The following TSHZ2 variants were observed in gnomAD, a reference collection of about 807,000 sequenced individuals.
TSHZ2 encodes the protein teashirt zinc finger homeobox 2.
A neutral mutation model predicts 74.4 loss-of-function variants in TSHZ2; 21 were observed. The observed-to-expected ratio is 0.28, with a 90% confidence interval of 0.20 to 0.41. The LOEUF (loss-of-function observed/expected upper bound fraction) is 0.41, where lower values mean the gene tolerates loss of function less well. TSHZ2 is among the 10% of genes least tolerant of loss of function. The pLI is 1.00. For missense variants in TSHZ2, 1,244 were observed against 1,293.5 expected (o/e 0.96, Z 0.59); for synonymous variants, 540 against 515.3 (o/e 1.05, Z -0.65).
At chr20:53,230,694 C>A (rs1438776028) in intron 1 of TSHZ2, among the ~76,000 whole-genome samples, 2 of 152,078 alleles carry the variant, frequency 1.3e-5, no homozygotes, top group African/African-American at 4.8e-5. Context: ...AGTTTGAGAC[C>A]AGCCTGGTCA....
At chr20:53,091,593 A>G (rs1292295319) in intron 1 of TSHZ2, among the ~76,000 whole-genome samples, 2 of 152,232 alleles carry the variant, frequency 1.3e-5, no homozygotes, top group African/African-American at 4.8e-5. Flanking sequence ...AGATCCATTT[A>G]TTCCCTTACC....
At chr20:53,011,059 T>A (rs1158750767) in intron 1 of TSHZ2, among the ~76,000 whole-genome samples, 2 of 152,202 alleles carry the variant, frequency 1.3e-5, no homozygotes, top group Non-Finnish European at 2.9e-5. Context: ...ATATCATATT[T>A]GATAAGTTTT....
At chr20:53,038,473 T>C (rs1983909124) in intron 1 of TSHZ2, among the ~76,000 whole-genome samples, 1 of 152,140 alleles carries the variant, frequency 6.6e-6, no homozygotes, top group South Asian at 2.1e-4. Context: ...TCCTGCTGAA[T>C]CCTCTTCTCA....
At chr20:53,098,977 C>A (rs553261759) in intron 1 of TSHZ2, among the ~76,000 whole-genome samples, 1 of 152,308 alleles carries the variant, frequency 6.6e-6, no homozygotes, top group East Asian at 1.9e-4. Flanking sequence ...ATGGTTAAGT[C>A]TTAGCGTGAT....
At chr20:53,064,858 T>C (rs1437778486) in intron 1 of TSHZ2, among the ~76,000 whole-genome samples, 1 of 152,186 alleles carries the variant, frequency 6.6e-6, no homozygotes, top group Non-Finnish European at 1.5e-5. Flanking sequence ...AAATCCCCAG[T>C]GTGAGGAGCA....
In TSHZ2 at chr20:53,172,498, G is replaced by A. The variant is rs973668458; in HGVS notation, c.41-81001G>A. Among the ~76,000 whole-genome samples, 10 of 152,132 alleles carry A rather than the reference G, an allele frequency of 6.6e-5. 1 individual carries two copies. Among genetic ancestry groups the A allele is most frequent in the Admixed American group, 6.5e-5 (1 of 15,268 alleles). ...CAGTTTAAGCTGCTCTGTGGGTAGA[G>A]GAGGAAGAAATAAGAGAGAAAAGAA... On this transcript the variant is annotated intron_variant, in intron 1 of 2. Transcript: ENST00000371497.
chr20:52,982,690 T>G (rs918979454), intron 1 of TSHZ2, among the ~76,000 whole-genome samples: 11 of 152,202 alleles, frequency 7.2e-5, no homozygotes, highest in African/African-American at 2.7e-4. Flanking sequence ...AATAAATATA[T>G]AACACAATAT....
At chr20:53,395,833 T>C (rs1366694567) in intron 2 of TSHZ2, among the ~76,000 whole-genome samples, 7 of 152,210 alleles carry the variant, frequency 4.6e-5, no homozygotes, top group African/African-American at 7.2e-5. Flanking sequence ...ACCTATGGAA[T>C]GTTAAAAGAA....
chr20:53,314,873 C>T (rs1020571184), intron 2 of TSHZ2, among the ~76,000 whole-genome samples: 36 of 152,164 alleles, frequency 2.4e-4, no homozygotes, highest in African/African-American at 8.7e-4. Flanking sequence ...CAGCCTGCCT[C>T]AGCCTCCCAA....
intron 1 of TSHZ2, among the ~76,000 whole-genome samples, chr20:53,247,168 A>C (rs1990228160): frequency 1.3e-5 from 2 of 152,218 alleles, no homozygotes; most frequent in South Asian, 2.1e-4. Context: ...AGTAACACTT[A>C]TGTTATATGT....
At chr20:53,288,322 T>G (rs1378013227) in intron 2 of TSHZ2, among the ~76,000 whole-genome samples, 3 of 151,572 alleles carry the variant, frequency 2.0e-5, no homozygotes, top group South Asian at 2.1e-4. Context: ...GAGAATTGCT[T>G]GAACCCGGGA....
At chr20:53,322,754 C>T (rs185913664) in intron 2 of TSHZ2, among the ~76,000 whole-genome samples, 124 of 152,238 alleles carry the variant, frequency 8.1e-4, no homozygotes, top group African/African-American at 2.8e-3. Context: ...TCCTCTTGAG[C>T]CCAGAATTCA....
intron 1 of TSHZ2, among the ~76,000 whole-genome samples, chr20:53,158,189 C>T (rs972044145): frequency 6.6e-6 from 1 of 152,088 alleles, no homozygotes; most frequent in African/African-American, 2.4e-5. Flanking sequence ...CAAGGAGACC[C>T]GGATGTCTGG....
intron 2 of TSHZ2, among the ~76,000 whole-genome samples, chr20:53,486,047 G>T (rs73137973): frequency 0.089 from 13,520 of 152,050 alleles, 674 homozygotes; most frequent in East Asian, 0.17. Flanking sequence ...AATTCTTATT[G>T]CTTTTCCCAC....
intron 2 of TSHZ2, among the ~76,000 whole-genome samples, chr20:53,321,823 C>T (rs965741068): frequency 6.6e-6 from 1 of 152,058 alleles, no homozygotes; most frequent in African/African-American, 2.4e-5. Context: ...GAATTGTTGT[C>T]ATGGACAGTG....
At chr20:53,193,616 C>G (rs1404163189) in intron 1 of TSHZ2, among the ~76,000 whole-genome samples, 2 of 152,214 alleles carry the variant, frequency 1.3e-5, no homozygotes, top group Non-Finnish European at 2.9e-5. Flanking sequence ...TGTTAAATAA[C>G]TTTTTTCAAT....
intron 2 of TSHZ2, among the ~76,000 whole-genome samples, chr20:53,441,139 A>G (rs1187326757): frequency 6.6e-6 from 1 of 152,204 alleles, no homozygotes; most frequent in African/African-American, 2.4e-5. Context: ...GAAGATCTGG[A>G]AAGTTGTTCT....
intron 2 of TSHZ2, among the ~76,000 whole-genome samples, chr20:53,405,875 T>A (rs995559659): frequency 6.6e-6 from 1 of 152,082 alleles, no homozygotes; most frequent in Non-Finnish European, 1.5e-5. Flanking sequence ...TGTGTGCCTG[T>A]GGTCCCAGCT....
intron 1 of TSHZ2, among the ~76,000 whole-genome samples, chr20:52,973,966 A>T (rs1460795735): frequency 6.6e-6 from 1 of 152,144 alleles, no homozygotes; most frequent in Non-Finnish European, 1.5e-5. Context: ...TGTAGGGGGG[A>T]AATTCCCCAT....
Sources: allele counts gnomAD v4.1 joint callset (sites outside exome capture counted in the v4.1 genomes callset), GRCh38; gene constraint gnomAD v4.1.1; transcripts MANE v1.5; gene names NCBI Gene and HGNC (gene_info 2026-07-23, HGNC 2026-07-21).